The following PRPF19 variants were observed in gnomAD, a reference collection of about 807,000 sequenced individuals.
PRPF19 encodes pre-mRNA-processing factor 19.
Under a neutral mutation model 64.2 loss-of-function variants are expected in PRPF19, and 2 were observed. The observed-to-expected ratio is 0.03, with a 90% confidence interval of 0.01 to 0.10. The LOEUF is 0.10. Among genes scored for constraint, PRPF19 ranks in the 10% least tolerant of loss-of-function variants. The probability of loss-of-function intolerance (pLI) is 1.00; values close to 1 mark genes in which losing one functional copy is unlikely to be tolerated. For synonymous variants in PRPF19, 226 were observed against 251.6 expected, an observed-to-expected ratio of 0.90 and a Z score of 0.96; for missense variants, 314 against 650.0, an observed-to-expected ratio of 0.48 and a Z score of 5.62.
intron 15 of PRPF19, among the ~76,000 whole-genome samples, chr11:60,895,677 TG>T (rs1855912057): frequency 6.6e-6 from 1 of 152,236 alleles, no homozygotes; most frequent in Non-Finnish European, 1.5e-5. Context: ...GCTTTTCACA[TG>T]CCTTCTTCAC....
rs1355887640 is a variant in PRPF19 at position 60,899,206 on chromosome 11, C to T, written c.927G>A (p.Val309=). 3 of 1,613,986 alleles carry T rather than the reference C, an allele frequency of 1.9e-6. No individual in the cohort carries two copies. Among genetic ancestry groups the T allele is most frequent in the South Asian group, 2.2e-5 (2 of 91,056 alleles). The change falls in exon 11 of 16, where the codon GTG becomes GTA. Residue 309 remains valine (V), a synonymous_variant. Coordinates refer to ENST00000227524, the MANE Select transcript of PRPF19 (RefSeq NM_014502.5). ...VQVVRAHESA[V]TGLSLHATGD... ...CAGTGGCATGAAGGCTGAGGCCTGT[C>T]ACAGCACTCTCATGGGCCCGAACCA...
At chr11:60,893,481 GTGACAGAGCAAGAC>G (rs1565109085) in intron 15 of PRPF19, among the ~76,000 whole-genome samples, 1 of 151,060 alleles carries the variant, frequency 6.6e-6, no homozygotes, top group African/African-American at 2.4e-5. Flanking sequence ...TCCAGCCTGG[GTGACAGAGCAAGAC>G]TCAATCTCAA....
In PRPF19 at chr11:60,902,352, G is replaced by A. The variant is rs1477326721; in HGVS notation, c.525+51C>T. 1.3e-6 allele frequency: 2 copies of A among 1,565,496 alleles called. No individual in the cohort carries two copies. The highest frequency in any genetic ancestry group is 1.8e-6 in the Non-Finnish European group (2 of 1,137,594). On this transcript the variant is annotated intron_variant, in intron 6 of 15. Transcript: ENST00000227524. This position sits in a 1 kb window ranked among gnomAD's most constrained non-coding sequence, Gnocchi z 5.0. The stretch of plus-strand genomic sequence containing the variant: ...AGTCACGATGGACTCCAGACAGATG[G>A]TGAAAAGTAAGGGCCCATCAGCACT...
chr11:60,892,969 C>A (rs1454108608), intron 15 of PRPF19, among the ~76,000 whole-genome samples: 1 of 151,956 alleles, frequency 6.6e-6, no homozygotes, highest in African/African-American at 2.4e-5. Context: ...CCCCTAGAAG[C>A]CTTAGGCCCC....
intron 8 of PRPF19, 36 bp from the exon 9 acceptor site, chr11:60,900,965 A>T (rs2134863592): frequency 6.2e-7 from 1 of 1,611,198 alleles, no homozygotes. Context: ...TGTCACGGCC[A>T]AATCACAGCA....
chr11:60,903,389 C>T, intron 3 of PRPF19, 70 bp downstream of exon 3: 5 of 1,457,634 alleles, frequency 3.4e-6, no homozygotes, highest in East Asian at 2.3e-5. Context: ...TCCTTCCTAC[C>T]CCCAAGTCCT....
chr11:60,900,876 G>T lies in PRPF19; in HGVS notation c.696C>A (p.Ser232=). The change falls in exon 9 of 16, where the codon TCC becomes TCA. Residue 232 remains serine, a synonymous_variant. Coordinates refer to ENST00000227524, the MANE Select transcript of PRPF19 (RefSeq NM_014502.5). ...CACCAGTGAGGATCTTGTTGGTGTCGGACGGGCAGAGGTCCAGGGCCAGGA... is the reference window on the plus strand; with the variant it reads ...CACCAGTGAGGATCTTGTTGGTGTCTGACGGGCAGAGGTCCAGGGCCAGGA... ...PGILALDLCP[S]DTNKILTGGA... 10 of 1,614,102 alleles carry T rather than the reference G, an allele frequency of 6.2e-6. No individual in the cohort carries two copies. The highest frequency in any genetic ancestry group is 8.5e-6 in the Non-Finnish European group (10 of 1,180,020).
At chr11:60,906,324 G>A in intron 1 of PRPF19, 40 bp downstream of exon 1, 4 of 1,586,502 alleles carry the variant, frequency 2.5e-6, no homozygotes, top group South Asian at 1.1e-5. Flanking sequence ...GCCGCTCTCT[G>A]GCCTCCTGAG....
chr11:60,898,021 G>A lies in PRPF19; in HGVS notation c.1312-70C>T. 1 of 1,607,778 alleles carries A rather than the reference G, an allele frequency of 6.2e-7. No homozygotes were observed. Among genetic ancestry groups the A allele is most frequent in the East Asian group, 2.2e-5 (1 of 44,828 alleles). ...ACTATGGGGCAGTTGCGGATAAGCA[G>A]AAGCAATTAGATTAATTCAATAAAT... On this transcript the variant is annotated intron_variant, in intron 14 of 15. Coordinates refer to ENST00000227524, the MANE Select transcript of PRPF19 (RefSeq NM_014502.5). This position sits in a 1 kb window ranked among gnomAD's most constrained non-coding sequence, Gnocchi z 4.6.
chr11:60,895,850 G>A (rs770112549), intron 15 of PRPF19, among the ~76,000 whole-genome samples: 12 of 151,922 alleles, frequency 7.9e-5, no homozygotes, highest in Non-Finnish European at 1.8e-4. Flanking sequence ...GATGGGGAAC[G>A]GCTGGTGGGT....
chr11:60,901,063 A>T, intron 8 of PRPF19, 134 bp from the exon 9 acceptor site: 1 of 1,086,336 alleles, frequency 9.2e-7, no homozygotes, highest in Non-Finnish European at 1.4e-6. Context: ...CCTTATCCAT[A>T]CCTCTTGGCT....
Position 60,898,580 on chromosome 11 carries a change from T to C in PRPF19, c.1101A>G (p.Thr367=), listed in dbSNP as rs1855946528. The stretch of plus-strand genomic sequence containing the variant: ...TCTTGATCTGAGAGTCCATGGTTCC[T>C]GTTCCAAAGATGAGTCCGTCAGGGT... The part of the protein sequence containing the change: ...QFHPDGLIFG[T]GTMDSQIKIW... The change falls in exon 13 of 16, where the codon ACA becomes ACG. Residue 367 remains threonine (T), a synonymous_variant. Transcript: ENST00000227524. The surrounding 1 kb of genome is among the most constrained non-coding windows in gnomAD (Gnocchi z 4.6). 1 of 1,614,072 alleles carries C rather than the reference T, an allele frequency of 6.2e-7. No homozygotes were observed. The highest frequency in any genetic ancestry group is 1.3e-5 in the African/African-American group (1 of 74,932).
rs1279969330 is a variant in PRPF19, at chr11:60,902,039, A to C, written c.525+364T>G. On this transcript the variant is annotated intron_variant, in intron 6 of 15. Transcript: ENST00000227524. This position sits in a 1 kb window ranked among gnomAD's most constrained non-coding sequence, Gnocchi z 5.0. ...CCTATTGCCCTCATAGAAAAAAAACAAGAAAATATATAAAAGTAGTTTACT... is the reference window on the plus strand; with the variant it reads ...CCTATTGCCCTCATAGAAAAAAAACCAGAAAATATATAAAAGTAGTTTACT... Among the ~76,000 whole-genome samples, 6 of 152,232 alleles carry C rather than the reference A, an allele frequency of 3.9e-5. No individual in the cohort carries two copies. Among genetic ancestry groups the C allele is most frequent in the Non-Finnish European group, 7.3e-5 (5 of 68,040 alleles).
Position 60,906,347 on chromosome 11 carries a change from C to A in PRPF19, c.19+17G>T. On this transcript the variant is annotated intron_variant, in intron 1 of 15. Coordinates refer to ENST00000227524, the MANE Select transcript of PRPF19 (RefSeq NM_014502.5). Reference sequence around the variant, plus strand: ...CTGGCCTCCTGAGACCCGCGCTTGGCCGCAGCCAACACTCACTGGAGCAGA... The same window carrying A: ...CTGGCCTCCTGAGACCCGCGCTTGGACGCAGCCAACACTCACTGGAGCAGA... 2 of 1,598,082 alleles carry A rather than the reference C, an allele frequency of 1.3e-6. No homozygotes were observed. Among genetic ancestry groups the A allele is most frequent in the Non-Finnish European group, 1.7e-6 (2 of 1,174,070 alleles).
chr11:60,904,453 G>A (rs532393554), intron 1 of PRPF19, among the ~76,000 whole-genome samples: 1 of 152,292 alleles, frequency 6.6e-6, no homozygotes, highest in Admixed American at 6.5e-5. Context: ...TACAGGTTGA[G>A]GTCTCAGTCC....
At chr11:60,900,197 T>G (rs1237760021) in intron 10 of PRPF19, among the ~76,000 whole-genome samples, 3 of 152,256 alleles carry the variant, frequency 2.0e-5, no homozygotes. Flanking sequence ...ACATGATTTT[T>G]ACCCATCTTG....
At chr11:60,900,518 C>T (rs972953309) in intron 10 of PRPF19, 64 bp downstream of exon 10, 25 of 1,271,846 alleles carry the variant, frequency 2.0e-5, no homozygotes, top group Non-Finnish European at 2.7e-5. Context: ...GAGACAGCAG[C>T]GGGGTGAGGG....
At position 60,898,895 on chromosome 11, in the gene PRPF19, G is replaced by A. The variant is rs774076768; in HGVS notation, c.1021C>T (p.Leu341Phe). ...AFSDIQTGRV[L>F]TKVTDETSGC... ...GAGGTCTCATCTGTCACCTTGGTGA[G>A]CACACGCCCTGTCTGGATGTCAGAG... The change falls in exon 12 of 16, where the codon CTC (leucine) becomes TTC (phenylalanine). Residue 341 changes from leucine to phenylalanine, a missense_variant. By Grantham distance (22) the Leu-to-Phe change is conservative. This residue lies in a region of PRPF19 where 175 missense variants were observed against 342.9 expected (regional missense o/e 0.51). Transcript: ENST00000227524. The surrounding 1 kb of genome is among the most constrained non-coding windows in gnomAD (Gnocchi z 4.6). The A allele has an allele frequency of 1.0e-5, 16 of 1,605,458 alleles. No homozygotes were observed. Among genetic ancestry groups the A allele is most frequent in the Non-Finnish European group, 1.3e-5 (15 of 1,175,902 alleles).
At chr11:60,900,401 G>C (rs1463818484) in intron 10 of PRPF19, among the ~76,000 whole-genome samples, 181 bp downstream of exon 10, 1 of 152,218 alleles carries the variant, frequency 6.6e-6, no homozygotes, top group Non-Finnish European at 1.5e-5. Flanking sequence ...CACTGCTTTA[G>C]AAGGTCTCAC....
Sources: gnomAD v4.1 joint callset for allele counts (sites outside exome capture counted in the v4.1 genomes callset) on GRCh38, gnomAD v4.1.1 for gene constraint, gnomAD v4.1.1 regional missense constraint, Gnocchi (gnomAD v3.1) non-coding constraint, MANE v1.5 for transcripts, NCBI Gene and HGNC (gene_info 2026-07-23, HGNC 2026-07-21) for gene names.